Variants in DNAAF9 observed in about 807,000 individuals in gnomAD.
DNAAF9 encodes the protein shulin.
Under a neutral mutation model 167.0 loss-of-function variants are expected in DNAAF9, and 90 were observed. That is an observed-to-expected ratio of 0.54 (90% CI 0.45 to 0.64). DNAAF9 has a LOEUF of 0.64. DNAAF9 is among the 30% of genes least tolerant of loss of function. The pLI is 0.00. For missense variants in DNAAF9, 1,315 were observed against 1,442.2 expected (o/e 0.91, Z 1.43); for synonymous variants, 491 against 508.8 (o/e 0.96, Z 0.47).
At chr20:3,294,725 GAC>G in intron 23 of DNAAF9, 96 bp from the exon 24 acceptor site, 1 of 772,846 alleles carries the variant, frequency 1.3e-6, no homozygotes, top group Non-Finnish European at 2.2e-6. Context: ...AGAGTCCAAT[GAC>G]AGAGTCAACT....
intron 1 of DNAAF9, among the ~76,000 whole-genome samples, chr20:3,394,949 C>CCTTTT (rs2083881728): frequency 9.8e-6 from 1 of 102,132 alleles, no homozygotes; most frequent in Non-Finnish European, 1.9e-5. Context: ...TTTCTTTTTT[C>CCTTTT]TTTTTTTTTT....
In DNAAF9 at chr20:3,311,302, G is replaced by A. The variant is rs141320971; in HGVS notation, c.1678+3731C>T. 8.9e-3 allele frequency among the ~76,000 whole-genome samples: 1,274 copies of A among 142,698 alleles called. 13 individuals are homozygous for A. The highest frequency in any genetic ancestry group is 0.03 in the African/African-American group (1,200 of 40,426). 93.6% of individuals were successfully genotyped at this position (142,698 alleles called of 152,430 possible). Reference sequence around the variant, plus strand: ...ACTACAGGAATATGCCACCATGCCTGGCTAATTTTTTTTTTTTGGGTAGAG... The same window carrying A: ...ACTACAGGAATATGCCACCATGCCTAGCTAATTTTTTTTTTTTGGGTAGAG... On this transcript the variant is annotated intron_variant, in intron 20 of 36. Coordinates refer to ENST00000252032, the MANE Select transcript of DNAAF9 (RefSeq NM_001009984.3).
At chr20:3,366,965 A>G (rs546418082) in intron 6 of DNAAF9, among the ~76,000 whole-genome samples, 1 of 151,996 alleles carries the variant, frequency 6.6e-6, no homozygotes, top group Admixed American at 6.6e-5. Context: ...TAAAAATAAA[A>G]AAGAAAGTCC....
chr20:3,367,846 C>T (rs76795274), intron 6 of DNAAF9, among the ~76,000 whole-genome samples: 1 of 150,710 alleles, frequency 6.6e-6, no homozygotes, highest in Non-Finnish European at 1.5e-5. Context: ...AAAGTGAACA[C>T]GTGCTGTTGG....
intron 21 of DNAAF9, among the ~76,000 whole-genome samples, chr20:3,303,990 T>C (rs976003694): frequency 6.6e-6 from 1 of 152,206 alleles, no homozygotes; most frequent in African/African-American, 2.4e-5. Context: ...TCTCTCCCTC[T>C]CTGGCTCACT....
chr20:3,350,140 GACACACAGACACACAGACACACACAC>G (rs2070288681), intron 7 of DNAAF9, among the ~76,000 whole-genome samples: 1 of 115,704 alleles, frequency 8.6e-6, no homozygotes, highest in South Asian at 3.1e-4. Flanking sequence ...CAGACACACA[GACACACAGACACACAGACACACACAC>G]ACACACACAC....
chr20:3,340,594 T>C lies in DNAAF9; in HGVS notation c.891A>G (p.Arg297=), dbSNP rs1218893732. 3.1e-6 allele frequency: 5 copies of C among 1,613,814 alleles called. No homozygotes were observed. Among genetic ancestry groups the C allele is most frequent in the Admixed American group, 1.7e-5 (1 of 59,988 alleles). The part of the protein sequence containing the change: ...PFVLFGNHST[R]ENLNAGNFNF... ...TAAAGTTGCCAGCATTCAGGTTTTC[T>C]CGTGTGGAGTGATTACCAAAGAGAA... The change falls in exon 10 of 37, where the codon CGA becomes CGG. Residue 297 remains arginine, a synonymous_variant. Coordinates refer to ENST00000252032, the MANE Select transcript of DNAAF9 (RefSeq NM_001009984.3).
In DNAAF9 at chr20:3,389,968, A is replaced by G. The variant is rs565013644; in HGVS notation, c.84-7462T>C. ...GGAGAATCACTGGAACCTGGAAGGC[A>G]GAGGCTGCAGTGAGCCAAGATCACG... is the stretch of plus-strand genomic sequence containing the variant. On this transcript the variant is annotated intron_variant, in intron 1 of 36. Transcript: ENST00000252032. Among the ~76,000 whole-genome samples the G allele has an allele frequency of 2.6e-5, 4 of 151,894 alleles. No individual in the cohort carries two copies. The South Asian group carries it at 8.3e-4, about 32-fold the overall frequency.
Position 3,270,455 on chromosome 20 carries a change from T to G in DNAAF9, c.2758A>C (p.Ile920Leu). 6.2e-7 allele frequency: 1 copy of G among 1,614,044 alleles called. No individual in the cohort carries two copies. Among genetic ancestry groups the G allele is most frequent in the Non-Finnish European group, 8.5e-7 (1 of 1,179,950 alleles). Reference protein sequence around the residue: ...IRAANPAAAFILAENGIVTRN... With the variant: ...IRAANPAAAFLLAENGIVTRN... ...GTGACAATCCCATTTTCTGCAAGAATGAAGGCTGCAGCAGGATTGGCAGCC... is the reference window on the plus strand; with the variant it reads ...GTGACAATCCCATTTTCTGCAAGAAGGAAGGCTGCAGCAGGATTGGCAGCC... Residue 920 changes from isoleucine (I) to leucine (L), a missense_variant, in exon 30 of 37, where the codon ATT (isoleucine) becomes CTT (leucine). By Grantham distance (5) the Ile-to-Leu change is conservative. Around this residue, in one of 2 missense-constraint regions of DNAAF9, gnomAD observed 334 missense variants for 429.7 expected, o/e 0.78. Coordinates refer to ENST00000252032, the MANE Select transcript of DNAAF9 (RefSeq NM_001009984.3).
At chr20:3,359,692 C>T in intron 6 of DNAAF9, 99 bp from the exon 7 acceptor site, 4 of 764,988 alleles carry the variant, frequency 5.2e-6, no homozygotes, top group South Asian at 3.6e-5. Flanking sequence ...TTGGTATAAA[C>T]TAGTGTGAAC....
At chr20:3,384,896 A>T (rs1364797594) in intron 1 of DNAAF9, among the ~76,000 whole-genome samples, 2 of 152,166 alleles carry the variant, frequency 1.3e-5, no homozygotes, top group Admixed American at 6.6e-5. Context: ...ACTTAATAAA[A>T]GTCAACACCC....
intron 3 of DNAAF9, among the ~76,000 whole-genome samples, chr20:3,380,548 A>G (rs1024794455): frequency 2.0e-5 from 3 of 152,164 alleles, no homozygotes; most frequent in African/African-American, 7.2e-5. Flanking sequence ...TCCCCTACCC[A>G]GTTTTGACAA....
intron 33 of DNAAF9, among the ~76,000 whole-genome samples, chr20:3,259,147 T>C (rs2068334005): frequency 6.6e-6 from 1 of 152,118 alleles, no homozygotes; most frequent in East Asian, 1.9e-4. Flanking sequence ...GCTCCTGGTT[T>C]TAGGTCTAGA....
chr20:3,303,517 T>C (rs552142557), intron 21 of DNAAF9, among the ~76,000 whole-genome samples: 6 of 152,316 alleles, frequency 3.9e-5, no homozygotes, highest in South Asian at 4.1e-4. Flanking sequence ...TTCCCTGATA[T>C]TGGAAGACTC....
At chr20:3,367,170 TCTGC>T (rs1344115534) in intron 6 of DNAAF9, among the ~76,000 whole-genome samples, 1 of 152,192 alleles carries the variant, frequency 6.6e-6, no homozygotes, top group East Asian at 1.9e-4. Context: ...TAAATCAACC[TCTGC>T]TAGCTTTAAA....
intron 9 of DNAAF9, 121 bp from the exon 10 acceptor site, chr20:3,340,760 A>G: frequency 1.2e-6 from 1 of 821,030 alleles, no homozygotes; most frequent in East Asian, 2.6e-5. Context: ...CAAAGTGGTC[A>G]GTCAGTACAG....
At chr20:3,279,733 G>T (rs1380951081) in intron 28 of DNAAF9, among the ~76,000 whole-genome samples, 4 of 152,208 alleles carry the variant, frequency 2.6e-5, no homozygotes, top group Non-Finnish European at 5.9e-5. Flanking sequence ...AAAGGCATGG[G>T]TTTAGGACGG....
intron 12 of DNAAF9, among the ~76,000 whole-genome samples, chr20:3,329,598 T>TA (rs1222615473): frequency 6.6e-6 from 1 of 152,240 alleles, no homozygotes; most frequent in Non-Finnish European, 1.5e-5. Context: ...TACAACTTTG[T>TA]GGGCCCTGCC....
chr20:3,275,094 G>T (rs1161638302), intron 29 of DNAAF9, among the ~76,000 whole-genome samples: 1 of 152,156 alleles, frequency 6.6e-6, no homozygotes, highest in African/African-American at 2.4e-5. Flanking sequence ...TAGGGCCTCT[G>T]GAAACTGAGT....
Sources: gnomAD v4.1 joint callset for allele counts (sites outside exome capture counted in the v4.1 genomes callset) on GRCh38, gnomAD v4.1.1 for gene constraint, gnomAD v4.1.1 regional missense constraint, MANE v1.5 for transcripts, NCBI Gene and HGNC (gene_info 2026-07-23, HGNC 2026-07-21) for gene names.